CALN1: variants seen among roughly 807,000 people sequenced by gnomAD.
The protein encoded by CALN1 is calcium-binding protein 8.
CALN1 carries 17 observed loss-of-function variants against 30.6 expected under a neutral mutation model. That is an observed-to-expected ratio of 0.56 (90% confidence interval 0.38 to 0.83). The LOEUF (loss-of-function observed/expected upper bound fraction) is 0.83, where lower values mean the gene tolerates loss of function less well. Among genes scored for constraint, CALN1 ranks in the 40% least tolerant of loss-of-function variants. The probability of loss-of-function intolerance (pLI) is 0.00; values close to 1 mark genes in which losing one functional copy is unlikely to be tolerated. For missense variants in CALN1, 291 were observed against 354.9 expected (o/e 0.82, Z 1.45); for synonymous variants, 156 against 131.4 (o/e 1.19, Z -1.28).
chr7:72,419,754 CTGAGCAG>C (rs1477255930), intron 1 of CALN1, among the ~76,000 whole-genome samples: 5 of 152,174 alleles, frequency 3.3e-5, no homozygotes, highest in Non-Finnish European at 7.3e-5. Context: ...ATACAAGTGG[CTGAGCAG>C]TGAGCAGAGA....
intron 5 of CALN1, among the ~76,000 whole-genome samples, chr7:71,922,825 GAATA>G (rs1322910198): frequency 3.9e-4 from 53 of 134,630 alleles, no homozygotes; most frequent in African/African-American, 1.5e-3. Context: ...ATAATATACA[GAATA>G]TATATAAATA....
intron 5 of CALN1, among the ~76,000 whole-genome samples, chr7:71,953,291 C>T (rs937073884): frequency 3.3e-5 from 5 of 152,242 alleles, no homozygotes; most frequent in South Asian, 2.1e-4. Context: ...TCTGTTGGTG[C>T]CCACGGCTTC....
At chr7:72,014,042 T>C (rs6975636) in intron 5 of CALN1, among the ~76,000 whole-genome samples, 3,155 of 151,838 alleles carry the variant, frequency 0.021, 96 homozygotes, top group African/African-American at 0.072. Flanking sequence ...TGTAAATACA[T>C]TTCTTTCTAT....
rs1174324796 is a variant in CALN1, at chr7:72,209,202, TTCCCTCC to T, written c.244+69477_244+69483del. On this transcript the variant is annotated intron_variant, in intron 3 of 6. Coordinates refer to ENST00000395275, the MANE Select transcript of CALN1 (RefSeq NM_031468.4). ...CCTCCTTCCCTCTTTCCTTCCCTCC[TTCCCTCC>T]TTCCTTCCCTCCTTCCCTCTTTCCT... is the stretch of plus-strand genomic sequence containing the variant. Among the ~76,000 whole-genome samples the T allele has an allele frequency of 1.2e-4, 18 of 144,330 alleles. 1 individual carries two copies. The highest frequency in any genetic ancestry group is 4.1e-4 in the African/African-American group (15 of 36,622). The allele number at this position is 144,330 out of a possible 152,430, so 94.7% of individuals were successfully genotyped here.
chr7:72,029,994 G>A (rs1801332718), intron 4 of CALN1, among the ~76,000 whole-genome samples: 1 of 152,144 alleles, frequency 6.6e-6, no homozygotes. Flanking sequence ...CTTGACCTGA[G>A]GGACCTGATG....
At chr7:72,438,862 CAT>C (rs907841798) in intron 1 of CALN1, among the ~76,000 whole-genome samples, 3 of 152,200 alleles carry the variant, frequency 2.0e-5, no homozygotes, top group Admixed American at 1.3e-4. Flanking sequence ...TCATTACACA[CAT>C]ATAAATTTGC....
chr7:72,472,133 C>T, the CALN1 span, among the ~76,000 whole-genome samples: 16 of 152,132 alleles, frequency 1.1e-4, no homozygotes, highest in Admixed American at 6.5e-4. Context: ...CAGAATGCTG[C>T]TCCTCCGCTT....
At chr7:72,036,189 A>G (rs900638162) in intron 4 of CALN1, among the ~76,000 whole-genome samples, 1 of 152,160 alleles carries the variant, frequency 6.6e-6, no homozygotes, top group Non-Finnish European at 1.5e-5. Flanking sequence ...CTGGCATCCA[A>G]AGTTTCTGGT....
chr7:72,148,922 A>T (rs1786991525), intron 3 of CALN1, among the ~76,000 whole-genome samples: 1 of 150,158 alleles, frequency 6.7e-6, no homozygotes, highest in Non-Finnish European at 1.5e-5. Flanking sequence ...AAAAGAAAGA[A>T]AGAAAGAAAA....
intron 5 of CALN1, among the ~76,000 whole-genome samples, chr7:71,822,545 G>T (rs1287282964): frequency 6.6e-6 from 1 of 152,174 alleles, no homozygotes; most frequent in Non-Finnish European, 1.5e-5. Context: ...ACCGTGCCTG[G>T]CCCGCTTCTG....
In CALN1 at chr7:72,322,322, G is replaced by A. The variant is rs114881714; in HGVS notation, c.120-43512C>T. 3.6e-3 allele frequency among the ~76,000 whole-genome samples: 554 copies of A among 152,224 alleles called. 4 individuals carry two copies. Among genetic ancestry groups the A allele is most frequent in the Middle Eastern group, 0.02 (6 of 294 alleles). On this transcript the variant is annotated intron_variant, in intron 2 of 6. Transcript: ENST00000395275. ...GACAGGAGGCGGAGCTCAGGTTTAC[G>A]GTAATGTAAGCAATGGGGAGTGGCT...
At chr7:71,928,242 G>A (rs539167879) in intron 5 of CALN1, among the ~76,000 whole-genome samples, 5 of 152,090 alleles carry the variant, frequency 3.3e-5, no homozygotes, top group Non-Finnish European at 5.9e-5. Flanking sequence ...TCCACCCCAC[G>A]ACTTCAGAAA....
At chr7:72,088,707 A>G (rs957037916) in intron 4 of CALN1, among the ~76,000 whole-genome samples, 4 of 150,804 alleles carry the variant, frequency 2.7e-5, no homozygotes, top group African/African-American at 9.8e-5. Context: ...TCAAGAAAAA[A>G]AAAAAAAAAA....
intron 3 of CALN1, among the ~76,000 whole-genome samples, chr7:72,248,079 C>T (rs1205077430): frequency 6.6e-6 from 1 of 152,132 alleles, no homozygotes; most frequent in Non-Finnish European, 1.5e-5. Context: ...ATTGGGAGGG[C>T]TGTATTCCTT....
the CALN1 span, among the ~76,000 whole-genome samples, chr7:72,498,775 T>C: frequency 2.0e-5 from 3 of 152,112 alleles, no homozygotes; most frequent in African/African-American, 7.2e-5. Context: ...TTTCTTTTTA[T>C]CACAAATGCA....
intron 2 of CALN1, among the ~76,000 whole-genome samples, chr7:72,308,641 C>T (rs1386347248): frequency 1.3e-5 from 2 of 152,172 alleles, no homozygotes; most frequent in Non-Finnish European, 1.5e-5. Context: ...AGCTACCATC[C>T]TCCCATGTCC....
intron 6 of CALN1, among the ~76,000 whole-genome samples, chr7:71,791,956 A>C (rs552933502): frequency 6.6e-6 from 1 of 152,144 alleles, no homozygotes; most frequent in African/African-American, 2.4e-5. Flanking sequence ...GCTTGCAGTG[A>C]GCCGAGATCG....
At chr7:72,493,242 GA>G in the CALN1 span, among the ~76,000 whole-genome samples, 1 of 152,098 alleles carries the variant, frequency 6.6e-6, no homozygotes, top group Admixed American at 6.6e-5. Flanking sequence ...ACATTTCACA[GA>G]AATGGTATCA....
intron 3 of CALN1, among the ~76,000 whole-genome samples, chr7:72,130,761 A>G (rs1809084964): frequency 6.6e-6 from 1 of 152,180 alleles, no homozygotes; most frequent in Non-Finnish European, 1.5e-5. Context: ...CACACAAGTA[A>G]AATTTGTGAT....
Sources: allele counts gnomAD v4.1 joint callset (sites outside exome capture counted in the v4.1 genomes callset), GRCh38; gene constraint gnomAD v4.1.1; transcripts MANE v1.5; gene names NCBI Gene and HGNC (gene_info 2026-07-23, HGNC 2026-07-21).